The following SLC4A8 variants were observed in gnomAD, a reference collection of about 807,000 sequenced individuals.
SLC4A8 encodes the protein solute carrier family 4 member 8.
A neutral mutation model predicts 125.0 loss-of-function variants in SLC4A8; 40 were observed. That is an observed-to-expected ratio of 0.32 (90% confidence interval 0.25 to 0.42). SLC4A8 has a LOEUF of 0.42. Ranked by LOEUF, SLC4A8 falls within the 10% of genes least tolerant of loss-of-function variation. SLC4A8 has a pLI of 1.00. For synonymous variants in SLC4A8, 456 were observed against 476.0 expected (o/e 0.96, Z 0.55); for missense variants, 863 against 1,355.1 (o/e 0.64, Z 5.70).
At chr12:51,469,548 T>G in intron 11 of SLC4A8, 66 bp from the exon 12 acceptor site, 1 of 1,406,686 alleles carries the variant, frequency 7.1e-7, no homozygotes, top group Non-Finnish European at 9.9e-7. Context: ...CTTTCAAATG[T>G]GTGCTGTTTA....
At chr12:51,469,344 T>A (rs1412308757) in intron 11 of SLC4A8, among the ~76,000 whole-genome samples, 1 of 152,176 alleles carries the variant, frequency 6.6e-6, no homozygotes, top group Non-Finnish European at 1.5e-5. Context: ...TTCGTGTTAA[T>A]TTTTTTGAAC....
intron 16 of SLC4A8, among the ~76,000 whole-genome samples, chr12:51,477,611 T>C (rs1950892668): frequency 6.6e-6 from 1 of 152,230 alleles, no homozygotes; most frequent in Non-Finnish European, 1.5e-5. Flanking sequence ...TTATTTTTAG[T>C]TAAAATAGTC....
chr12:51,463,422 T>TGTGC (rs1950410772), intron 10 of SLC4A8, among the ~76,000 whole-genome samples, 192 bp from the exon 11 acceptor site: 1 of 151,376 alleles, frequency 6.6e-6, no homozygotes, highest in Admixed American at 6.6e-5. Context: ...TGTGTGTGTG[T>TGTGC]GTGTGTGTGT....
rs1403509654 is a variant in SLC4A8 at position 51,514,533 on chromosome 12, G to A, written c.*7095G>A. 2.0e-5 allele frequency: 3 copies of A among 152,218 alleles called. No individual in the cohort carries two copies. Among genetic ancestry groups the A allele is most frequent in the Non-Finnish European group, 4.4e-5 (3 of 68,052 alleles). 9.4% of individuals were successfully genotyped at this position (152,218 alleles called of 1,614,324 possible). On this transcript the variant is annotated 3_prime_UTR_variant, in exon 25 of 25. Coordinates refer to ENST00000453097, the MANE Select transcript of SLC4A8 (RefSeq NM_001039960.3). The stretch of plus-strand genomic sequence containing the variant: ...CTGGGGGTGCTGAGAATGGTGAGGA[G>A]TTGGACAGTCCCGGGGCTTTTTTGA...
rs949228195 is a variant in SLC4A8, at chr12:51,515,597, G to A, written c.*8159G>A. The A allele has an allele frequency of 6.6e-6, 1 of 152,122 alleles. No homozygotes were observed. The highest frequency in any genetic ancestry group is 1.5e-5 in the Non-Finnish European group (1 of 68,026). 9.4% of individuals were successfully genotyped at this position (152,122 alleles called of 1,614,324 possible). On this transcript the variant is annotated 3_prime_UTR_variant, in exon 25 of 25. Coordinates refer to ENST00000453097, the MANE Select transcript of SLC4A8 (RefSeq NM_001039960.3). The stretch of plus-strand genomic sequence containing the variant: ...AATGTGTCATTGTGATAATCCCATA[G>A]CAATTTATGGTAAGAACAAGACCCC...
chr12:51,456,723 CTA>C (rs1950162550), intron 5 of SLC4A8, among the ~76,000 whole-genome samples: 1 of 152,188 alleles, frequency 6.6e-6, no homozygotes, highest in Non-Finnish European at 1.5e-5. Context: ...CTGATAACTG[CTA>C]TGTTTACTGC....
intron 1 of SLC4A8, among the ~76,000 whole-genome samples, chr12:51,412,545 G>T (rs1394802493): frequency 1.3e-5 from 2 of 152,082 alleles, no homozygotes; most frequent in African/African-American, 4.8e-5. Context: ...CTAACTGTAG[G>T]CTTTTGTCCA....
At position 51,510,018 on chromosome 12, in the gene SLC4A8, A is replaced by G. The variant is rs1011288491; in HGVS notation, c.*2580A>G. ...GTACAGTTGCAGTTCACCTTTGTGC[A>G]TGGTGATTACCAGTCACTCTAGGGA... On this transcript the variant is annotated 3_prime_UTR_variant, in exon 25 of 25. Coordinates refer to ENST00000453097, the MANE Select transcript of SLC4A8 (RefSeq NM_001039960.3). The G allele has an allele frequency of 7.2e-5, 11 of 152,478 alleles. No individual in the cohort carries two copies. Among genetic ancestry groups the G allele is most frequent in the African/African-American group, 2.2e-4 (9 of 41,560 alleles). The allele number at this position is 152,478 out of a possible 1,614,324, so 9.4% of individuals were successfully genotyped here.
intron 22 of SLC4A8, among the ~76,000 whole-genome samples, chr12:51,500,867 T>C (rs1937843479): frequency 6.6e-6 from 1 of 151,280 alleles, no homozygotes; most frequent in South Asian, 2.1e-4. Flanking sequence ...TTTTTTTCTT[T>C]CTTTCTTTCT....
intron 1 of SLC4A8, among the ~76,000 whole-genome samples, chr12:51,393,618 G>A (rs1411597105): frequency 6.6e-6 from 1 of 152,226 alleles, no homozygotes; most frequent in Non-Finnish European, 1.5e-5. Flanking sequence ...AAGGCCAGCA[G>A]AGTGTGGAGA....
At chr12:51,469,939 A>G in intron 12 of SLC4A8, 151 bp downstream of exon 12, 1 of 662,242 alleles carries the variant, frequency 1.5e-6, no homozygotes, top group South Asian at 2.0e-5. Context: ...CATCACACCA[A>G]AGAGCAACAC....
chr12:51,415,821 C>T (rs938409452), intron 1 of SLC4A8, among the ~76,000 whole-genome samples: 6 of 147,272 alleles, frequency 4.1e-5, no homozygotes, highest in African/African-American at 1.5e-4. Context: ...ACAGTGTTCA[C>T]CAGTTGGGTA....
intron 1 of SLC4A8, among the ~76,000 whole-genome samples, chr12:51,399,360 C>T (rs1948326939): frequency 6.6e-6 from 1 of 152,316 alleles, no homozygotes; most frequent in East Asian, 1.9e-4. Flanking sequence ...CCTAGTTTTC[C>T]TCCCCAAAGG....
Position 51,462,308 on chromosome 12 carries a change from A to G in SLC4A8, c.1102-2A>G. ...TTCCTGAGGGTTTTCTCTTCTCTGTAGATTTTTCATGACGTAGCATATAAG... is the reference window on the plus strand; with the variant it reads ...TTCCTGAGGGTTTTCTCTTCTCTGTGGATTTTTCATGACGTAGCATATAAG... On this transcript the variant is annotated splice_acceptor_variant, in intron 9 of 24. Transcript: ENST00000453097. LOFTEE classifies it high-confidence loss of function. 1 of 1,613,762 alleles carries G rather than the reference A, an allele frequency of 6.2e-7. No homozygotes were observed. The highest frequency in any genetic ancestry group is 8.5e-7 in the Non-Finnish European group (1 of 1,179,698).
rs1010745111 is a variant in SLC4A8, at chr12:51,515,620, C to T, written c.*8182C>T. The T allele has an allele frequency of 6.6e-6, 1 of 151,866 alleles. No individual in the cohort carries two copies. The highest frequency in any genetic ancestry group is 1.5e-5 in the Non-Finnish European group (1 of 67,974). The allele number at this position is 151,866 out of a possible 1,614,324, so 9.4% of individuals were successfully genotyped here. ...TAGCAATTTATGGTAAGAACAAGAC[C>T]CCTTTCCCTCACCACCGAGTCTCGT... On this transcript the variant is annotated 3_prime_UTR_variant, in exon 25 of 25. Transcript: ENST00000453097.
At chr12:51,487,513 C>A (rs188265990) in intron 17 of SLC4A8, among the ~76,000 whole-genome samples, 88 of 152,234 alleles carry the variant, frequency 5.8e-4, no homozygotes, top group Admixed American at 5.0e-3. Context: ...ACAGTCTGTG[C>A]TTTGTTTCTT....
chr12:51,428,594 G>T (rs1304774666), intron 1 of SLC4A8, among the ~76,000 whole-genome samples: 1 of 152,094 alleles, frequency 6.6e-6, no homozygotes, highest in Non-Finnish European at 1.5e-5. Context: ...AACCTTCAAG[G>T]TCTGGCTCCA....
intron 14 of SLC4A8, among the ~76,000 whole-genome samples, chr12:51,472,444 A>T (rs1950726656): frequency 6.6e-6 from 1 of 152,226 alleles, no homozygotes; most frequent in Non-Finnish European, 1.5e-5. Flanking sequence ...AATTTATTAG[A>T]ACTTTATTTT....
intron 6 of SLC4A8, 72 bp downstream of exon 6, chr12:51,457,611 T>A: frequency 7.2e-7 from 1 of 1,380,908 alleles, no homozygotes; most frequent in Non-Finnish European, 1.0e-6. Flanking sequence ...GCTGACTTAC[T>A]AGGGGTGGGG....
Sources: allele counts gnomAD v4.1 joint callset (sites outside exome capture counted in the v4.1 genomes callset), GRCh38; gene constraint gnomAD v4.1.1; transcripts MANE v1.5; gene names NCBI Gene and HGNC (gene_info 2026-07-23, HGNC 2026-07-21).